INPP5A: variants seen among roughly 807,000 people sequenced by gnomAD.
INPP5A encodes inositol polyphosphate-5-phosphatase A.
A neutral mutation model predicts 65.2 loss-of-function variants in INPP5A; 14 were observed. The ratio of observed to expected loss-of-function variants is 0.21; its 90% CI spans 0.14 to 0.34. The LOEUF is 0.34. Ranked by LOEUF, INPP5A falls within the 10% of genes least tolerant of loss-of-function variation. The probability of loss-of-function intolerance (pLI) is 1.00; values close to 1 mark genes in which losing one functional copy is unlikely to be tolerated. For missense variants in INPP5A, 431 were observed against 545.6 expected, an observed-to-expected ratio of 0.79 and a Z score of 2.09; for synonymous variants, 207 against 208.3, an observed-to-expected ratio of 0.99 and a Z score of 0.05.
intron 2 of INPP5A, among the ~76,000 whole-genome samples, chr10:132,609,460 A>G (rs1179023608): frequency 6.6e-6 from 1 of 152,214 alleles, no homozygotes; most frequent in African/African-American, 2.4e-5. Flanking sequence ...ACATCCTTGC[A>G]GAACCTTCGT....
chr10:132,619,203 G>A (rs965116894), intron 2 of INPP5A, among the ~76,000 whole-genome samples: 16 of 152,234 alleles, frequency 1.1e-4, no homozygotes, highest in South Asian at 2.1e-4. Context: ...ATACAATGGG[G>A]ATATAGGTAT....
chr10:132,621,116 A>G (rs2072101833), intron 2 of INPP5A, among the ~76,000 whole-genome samples: 1 of 152,218 alleles, frequency 6.6e-6, no homozygotes, highest in South Asian at 2.1e-4. Flanking sequence ...AGAAAAGAGC[A>G]TTCTCAGCCT....
chr10:132,710,249 T>C (rs1845610865), intron 7 of INPP5A, 88 bp from the exon 8 acceptor site: 3 of 1,507,406 alleles, frequency 2.0e-6, no homozygotes, highest in Non-Finnish European at 2.7e-6. Context: ...AGTGCAGGTC[T>C]TATCTTCCCG....
At chr10:132,641,446 C>T (rs914008063) in intron 2 of INPP5A, among the ~76,000 whole-genome samples, 2 of 152,214 alleles carry the variant, frequency 1.3e-5, no homozygotes, top group Admixed American at 6.5e-5. Context: ...TCCAGCTATC[C>T]GGATAGATCT....
At chr10:132,593,357 AC>A (rs1417944482) in intron 1 of INPP5A, among the ~76,000 whole-genome samples, 1 of 152,200 alleles carries the variant, frequency 6.6e-6, no homozygotes, top group Non-Finnish European at 1.5e-5. Flanking sequence ...CAATTTTATG[AC>A]AAATGGTTGT....
intron 1 of INPP5A, among the ~76,000 whole-genome samples, chr10:132,544,824 C>T (rs997801403): frequency 2.0e-5 from 3 of 151,938 alleles, no homozygotes; most frequent in Non-Finnish European, 2.9e-5. Context: ...GAACGGCCGG[C>T]GGTGTTCTCT....
chr10:132,712,350 CGTGT>C lies in INPP5A; in HGVS notation c.647+1901_647+1904del, dbSNP rs377374632. 2.0e-3 allele frequency among the ~76,000 whole-genome samples: 304 copies of C among 150,832 alleles called. 2 individuals carry two copies. The highest frequency in any genetic ancestry group is 6.1e-3 in the African/African-American group (248 of 40,954). ...GTGGGGGTGGGTGTGCGCACATCTG[CGTGT>C]GTGTGTTCGTGTGTGCATGTGTGTG... On this transcript the variant is annotated intron_variant, in intron 8 of 15. Transcript: ENST00000368594.
chr10:132,558,298 G>C (rs1001246384), intron 1 of INPP5A, among the ~76,000 whole-genome samples: 2 of 152,006 alleles, frequency 1.3e-5, no homozygotes, highest in African/African-American at 4.8e-5. Flanking sequence ...GCACGCTCTG[G>C]GGCTCTCCCC....
In INPP5A at chr10:132,655,487, G is replaced by A. The variant is rs74449133; in HGVS notation, c.306+4982G>A. Among the ~76,000 whole-genome samples, 1,012 of 152,346 alleles carry A rather than the reference G, an allele frequency of 6.6e-3. 30 individuals are homozygous for A. In the East Asian group the frequency reaches 0.07, roughly 11 times the overall value. On this transcript the variant is annotated intron_variant, in intron 4 of 15. Coordinates refer to ENST00000368594, the MANE Select transcript of INPP5A (RefSeq NM_005539.5). ...ACAGAAATCCCGTGTCTTGTCTGCCGGGCACGCAGGGAGCTCCGAGAACAC... is the reference window on the plus strand; with the variant it reads ...ACAGAAATCCCGTGTCTTGTCTGCCAGGCACGCAGGGAGCTCCGAGAACAC...
At chr10:132,729,309 C>T (rs1027573738) in intron 9 of INPP5A, among the ~76,000 whole-genome samples, 6 of 152,214 alleles carry the variant, frequency 3.9e-5, no homozygotes, top group African/African-American at 1.4e-4. Context: ...CCCCTGGCCT[C>T]CCTAAGTGCC....
chr10:132,540,994 C>T (rs1447262829), intron 1 of INPP5A, among the ~76,000 whole-genome samples: 4 of 147,318 alleles, frequency 2.7e-5, no homozygotes, highest in Non-Finnish European at 6.0e-5. Flanking sequence ...CCTCCTCCCC[C>T]TCTTGTTTTT....
chr10:132,684,695 G>A (rs118071689), intron 4 of INPP5A, among the ~76,000 whole-genome samples: 1,930 of 152,340 alleles, frequency 0.013, 25 homozygotes, highest in Non-Finnish European at 0.016. Flanking sequence ...GCCTCAGCTC[G>A]GGCAGGTGCT....
intron 8 of INPP5A, among the ~76,000 whole-genome samples, chr10:132,723,092 G>A (rs1376057083): frequency 6.6e-6 from 1 of 152,226 alleles, no homozygotes; most frequent in African/African-American, 2.4e-5. Flanking sequence ...AGAGCAGGGC[G>A]AGGAAGTGTG....
chr10:132,561,300 C>T (rs542002481), intron 1 of INPP5A, among the ~76,000 whole-genome samples: 1 of 152,108 alleles, frequency 6.6e-6, no homozygotes, highest in African/African-American at 2.4e-5. Context: ...CAAAAATTTA[C>T]CCTTATTTTT....
In INPP5A at chr10:132,664,167, G is replaced by A. The variant is rs112965714; in HGVS notation, c.306+13662G>A. Among the ~76,000 whole-genome samples, 116 of 152,284 alleles carry A rather than the reference G, an allele frequency of 7.6e-4. 1 individual carries two copies. Among genetic ancestry groups the A allele is most frequent in the African/African-American group, 2.4e-3 (98 of 41,568 alleles). On this transcript the variant is annotated intron_variant, in intron 4 of 15. Coordinates refer to ENST00000368594, the MANE Select transcript of INPP5A (RefSeq NM_005539.5). ...TGGCCTCAGGTGATGTTTCACTTCC[G>A]GAGCCCCGTGAGCTGCTCCTTGCTC...
chr10:132,735,324 G>A (rs982369422), intron 9 of INPP5A, among the ~76,000 whole-genome samples: 6 of 152,208 alleles, frequency 3.9e-5, no homozygotes, highest in South Asian at 2.1e-4. Flanking sequence ...GTAAGCATAC[G>A]CGGTTCTGAA....
chr10:132,651,230 G>A lies in INPP5A; in HGVS notation c.306+725G>A, dbSNP rs547373787. ...CCCGTCTTTATGCCCTGGGTCCCCC[G>A]GCCTGGATCCATCTCCCCCGTCTCT... On this transcript the variant is annotated intron_variant, in intron 4 of 15. Transcript: ENST00000368594. The surrounding 1 kb of genome is among the most constrained non-coding windows in gnomAD (Gnocchi z 5.0). Among the ~76,000 whole-genome samples, 126 of 151,952 alleles carry A rather than the reference G, an allele frequency of 8.3e-4. No individual in the cohort carries two copies. Among genetic ancestry groups the A allele is most frequent in the African/African-American group, 2.8e-3 (117 of 41,432 alleles).
At chr10:132,562,311 C>T (rs980046223) in intron 1 of INPP5A, among the ~76,000 whole-genome samples, 3 of 152,264 alleles carry the variant, frequency 2.0e-5, no homozygotes, top group Admixed American at 1.3e-4. Context: ...GTGGCCCGCT[C>T]GCCACCTCTG....
At position 132,704,765 on chromosome 10, in the gene INPP5A, C is replaced by T. The variant is rs1845506072; in HGVS notation, c.475-3548C>T. Among the ~76,000 whole-genome samples the T allele has an allele frequency of 6.6e-6, 1 of 152,080 alleles. No individual in the cohort carries two copies. The highest frequency in any genetic ancestry group is 1.5e-5 in the Non-Finnish European group (1 of 68,022). On this transcript the variant is annotated intron_variant, in intron 6 of 15. Coordinates refer to ENST00000368594, the MANE Select transcript of INPP5A (RefSeq NM_005539.5). The surrounding 1 kb of genome is among the most constrained non-coding windows in gnomAD (Gnocchi z 4.5). ...GGAGGAAGGGCGTCTAGTCAGGCAG[C>T]AGGCAGCTCCTCTGGAGTGTGGAGG...
Sources: allele counts gnomAD v4.1 joint callset (sites outside exome capture counted in the v4.1 genomes callset), GRCh38; gene constraint gnomAD v4.1.1; non-coding constraint Gnocchi (gnomAD v3.1); transcripts MANE v1.5; gene names NCBI Gene and HGNC (gene_info 2026-07-23, HGNC 2026-07-21).